Variants in GPC6 observed in about 807,000 individuals in gnomAD.
GPC6 encodes the protein glypican 6.
In GPC6, 14 loss-of-function variants were observed where a neutral mutation model predicts 55.2. The observed-to-expected ratio is 0.25, with a 90% CI of 0.17 to 0.40. The LOEUF is 0.40. GPC6 is among the 10% of genes least tolerant of loss of function. The pLI is 1.00. For missense variants in GPC6, 641 were observed against 708.5 expected (o/e 0.90, Z 1.08); for synonymous variants, 278 against 259.6 (o/e 1.07, Z -0.68).
chr13:93,883,488 A>G (rs1440741536), intron 3 of GPC6, among the ~76,000 whole-genome samples: 1 of 152,044 alleles, frequency 6.6e-6, no homozygotes, highest in African/African-American at 2.4e-5. Flanking sequence ...ATTTGCCATA[A>G]TTCAGTATTG....
rs540292974 is a variant in GPC6 at position 93,502,325 on chromosome 13, C to T, written c.161-42938C>T. Among the ~76,000 whole-genome samples, 4 of 151,972 alleles carry T rather than the reference C, an allele frequency of 2.6e-5. No homozygotes were observed. In the East Asian group the frequency reaches 7.8e-4, roughly 29 times the overall value. Reference sequence around the variant, plus strand: ...GAAAGAGAGAGAGAGAGAAATTTCACTAATGTAATGAATATGCCCCACATA... The same window carrying T: ...GAAAGAGAGAGAGAGAGAAATTTCATTAATGTAATGAATATGCCCCACATA... On this transcript the variant is annotated intron_variant, in intron 1 of 8. Coordinates refer to ENST00000377047, the MANE Select transcript of GPC6 (RefSeq NM_005708.5).
At chr13:94,372,049 C>G (rs1879569187) in intron 6 of GPC6, among the ~76,000 whole-genome samples, 1 of 152,098 alleles carries the variant, frequency 6.6e-6, no homozygotes, top group African/African-American at 2.4e-5. Flanking sequence ...CTTCCTTTCT[C>G]TTCCTTCTTT....
intron 1 of GPC6, among the ~76,000 whole-genome samples, chr13:93,378,787 G>A (rs1875032425): frequency 6.6e-6 from 1 of 152,072 alleles, no homozygotes; most frequent in Non-Finnish European, 1.5e-5. Context: ...TCTGAGGTCA[G>A]GAGTTAGAGA....
At chr13:93,273,851 T>C (rs1236483047) in intron 1 of GPC6, among the ~76,000 whole-genome samples, 2 of 151,970 alleles carry the variant, frequency 1.3e-5, no homozygotes, top group Non-Finnish European at 2.9e-5. Context: ...CTCTGTTGCC[T>C]AGGCTGGAGT....
the GPC6 span, among the ~76,000 whole-genome samples, chr13:93,218,625 A>G: frequency 6.6e-6 from 1 of 152,252 alleles, no homozygotes; most frequent in African/African-American, 2.4e-5. Context: ...AATCTAAACT[A>G]AAACAAAATC....
intron 2 of GPC6, among the ~76,000 whole-genome samples, chr13:93,744,583 A>C (rs1242411947): frequency 8.0e-6 from 1 of 125,672 alleles, no homozygotes; most frequent in African/African-American, 3.2e-5. Flanking sequence ...CACTTTTATA[A>C]GTAAGAAAAA....
chr13:93,219,800 TTTC>T, the GPC6 span, among the ~76,000 whole-genome samples: 1 of 152,174 alleles, frequency 6.6e-6, no homozygotes, highest in Non-Finnish European at 1.5e-5. Flanking sequence ...TATCTTAAAA[TTTC>T]TTGTTTTTTT....
chr13:93,997,240 A>T (rs1881596276), intron 3 of GPC6, among the ~76,000 whole-genome samples: 1 of 152,172 alleles, frequency 6.6e-6, no homozygotes, highest in African/African-American at 2.4e-5. Context: ...AGGAGACATC[A>T]CTTTGAGCTA....
intron 4 of GPC6, among the ~76,000 whole-genome samples, chr13:94,040,931 A>T (rs955274670): frequency 1.3e-5 from 2 of 151,860 alleles, no homozygotes; most frequent in African/African-American, 4.8e-5. Flanking sequence ...TTTGATTTAC[A>T]TGTGGAATTG....
At chr13:93,670,030 A>C (rs1038447945) in intron 2 of GPC6, among the ~76,000 whole-genome samples, 15 of 152,296 alleles carry the variant, frequency 9.8e-5, no homozygotes, top group African/African-American at 3.6e-4. Context: ...ACTCTCTTAG[A>C]GTTCTCACAA....
At chr13:93,963,387 T>G (rs1182389892) in intron 3 of GPC6, among the ~76,000 whole-genome samples, 1 of 152,302 alleles carries the variant, frequency 6.6e-6, no homozygotes, top group East Asian at 1.9e-4. Flanking sequence ...TGGGAAAATT[T>G]TGTAAACACC....
chr13:93,467,152 T>C (rs1189923023), intron 1 of GPC6, among the ~76,000 whole-genome samples: 1 of 152,222 alleles, frequency 6.6e-6, no homozygotes, highest in African/African-American at 2.4e-5. Context: ...GTTTTTTCTT[T>C]CTGCATAATA....
At position 94,085,972 on chromosome 13, in the gene GPC6, T is replaced by C. The variant is rs183273263; in HGVS notation, c.877+58078T>C. 7.9e-5 allele frequency among the ~76,000 whole-genome samples: 12 copies of C among 152,342 alleles called. 1 individual carries two copies. The highest frequency in any genetic ancestry group is 5.9e-4 in the Admixed American group (9 of 15,304). On this transcript the variant is annotated intron_variant, in intron 4 of 8. Transcript: ENST00000377047. ...AAGAGTAACTTCTCCTAATGGGTTA[T>C]TGAAGAAGAGAATATCCCTTCTGTT...
In GPC6 at chr13:93,501,116, C is replaced by G. The variant is rs573786929; in HGVS notation, c.161-44147C>G. Among the ~76,000 whole-genome samples the G allele has an allele frequency of 6.6e-5, 10 of 152,204 alleles. No homozygotes were observed. The East Asian group carries it at 1.9e-3, about 29-fold the overall frequency. The stretch of plus-strand genomic sequence containing the variant: ...CAATTATTATAAATAAGATGAAAAA[C>G]ACTTGTACTGTTTCCTGTAACCAAT... On this transcript the variant is annotated intron_variant, in intron 1 of 8. Transcript: ENST00000377047.
rs553844322 is a variant in GPC6, at chr13:94,051,522, A to G, written c.877+23628A>G. Among the ~76,000 whole-genome samples the G allele has an allele frequency of 1.1e-3, 160 of 152,300 alleles. 1 individual carries two copies. The highest frequency in any genetic ancestry group is 2.0e-3 in the Non-Finnish European group (136 of 68,018). On this transcript the variant is annotated intron_variant, in intron 4 of 8. Coordinates refer to ENST00000377047, the MANE Select transcript of GPC6 (RefSeq NM_005708.5). Reference sequence around the variant, plus strand: ...GTTTGTGTTTCCCAAGATGCAGAGCACTTTACGAGAGTATGTATTTGTTTC... The same window carrying G: ...GTTTGTGTTTCCCAAGATGCAGAGCGCTTTACGAGAGTATGTATTTGTTTC...
chr13:93,942,508 G>A (rs1594607168), intron 3 of GPC6, among the ~76,000 whole-genome samples: 1 of 152,230 alleles, frequency 6.6e-6, no homozygotes, highest in Admixed American at 6.5e-5. Context: ...TTTTTGTAGG[G>A]ACAGGTTTTT....
intron 5 of GPC6, among the ~76,000 whole-genome samples, chr13:94,299,161 T>C (rs548333543): frequency 1.3e-5 from 2 of 152,340 alleles, no homozygotes; most frequent in African/African-American, 2.4e-5. Flanking sequence ...AAATTATTCA[T>C]GGGTAATTCT....
chr13:94,145,468 A>G (rs1887529891), intron 4 of GPC6, among the ~76,000 whole-genome samples: 1 of 152,124 alleles, frequency 6.6e-6, no homozygotes, highest in South Asian at 2.1e-4. Flanking sequence ...CAATATATTG[A>G]TATTTGTTTG....
intron 2 of GPC6, among the ~76,000 whole-genome samples, chr13:93,754,572 A>G (rs1021543768): frequency 3.3e-5 from 5 of 152,100 alleles, no homozygotes; most frequent in African/African-American, 9.7e-5. Flanking sequence ...TTATTCCAAA[A>G]TGTTAAAGAA....
Sources: gnomAD v4.1 joint callset for allele counts (sites outside exome capture counted in the v4.1 genomes callset) on GRCh38, gnomAD v4.1.1 for gene constraint, MANE v1.5 for transcripts, NCBI Gene and HGNC (gene_info 2026-07-23, HGNC 2026-07-21) for gene names.